Variants in RNGTT observed in about 807,000 individuals in gnomAD.
RNGTT encodes the protein mRNA-capping enzyme.
Under a neutral mutation model 79.3 loss-of-function variants are expected in RNGTT, and 33 were observed. The ratio of observed to expected loss-of-function variants is 0.42; its 90% CI spans 0.32 to 0.56. The LOEUF is 0.56. RNGTT is among the 20% of genes least tolerant of loss of function. The probability of loss-of-function intolerance (pLI) is 0.17; values close to 1 mark genes in which losing one functional copy is unlikely to be tolerated. For synonymous variants in RNGTT, 222 were observed against 235.9 expected (o/e 0.94, Z 0.54); for missense variants, 497 against 739.1 (o/e 0.67, Z 3.80).
intron 4 of RNGTT, among the ~76,000 whole-genome samples, chr6:88,916,066 A>C (rs1582126745): frequency 6.6e-6 from 1 of 152,218 alleles, no homozygotes; most frequent in African/African-American, 2.4e-5. Context: ...ATGAGATCCT[A>C]GTATACATTC....
At chr6:88,759,974 C>T (rs1403552105) in intron 13 of RNGTT, among the ~76,000 whole-genome samples, 5 of 151,944 alleles carry the variant, frequency 3.3e-5, no homozygotes. Context: ...AGAGAAATTG[C>T]AATTAATGAA....
intron 13 of RNGTT, among the ~76,000 whole-genome samples, chr6:88,756,876 C>T (rs373833364): frequency 3.3e-5 from 5 of 152,264 alleles, no homozygotes; most frequent in Admixed American, 2.6e-4. Flanking sequence ...AAGGAAAACG[C>T]TGGATGGACA....
chr6:88,624,916 AACAG>A (rs1327118079), intron 14 of RNGTT, among the ~76,000 whole-genome samples: 1 of 151,996 alleles, frequency 6.6e-6, no homozygotes, highest in Non-Finnish European at 1.5e-5. Flanking sequence ...AAAAGATTTG[AACAG>A]ACACTTTACC....
chr6:88,958,865 C>T (rs1785519472), intron 1 of RNGTT, among the ~76,000 whole-genome samples: 1 of 152,048 alleles, frequency 6.6e-6, no homozygotes, highest in Non-Finnish European at 1.5e-5. Flanking sequence ...GGTATCTACC[C>T]AGAAGAAAAT....
At chr6:88,869,159 G>A (rs1421927388) in intron 8 of RNGTT, among the ~76,000 whole-genome samples, 1 of 151,980 alleles carries the variant, frequency 6.6e-6, no homozygotes, top group Non-Finnish European at 1.5e-5. Flanking sequence ...TAACAAAACC[G>A]TATCTAAGTG....
intron 11 of RNGTT, among the ~76,000 whole-genome samples, chr6:88,810,213 C>G (rs1193087025): frequency 6.6e-6 from 1 of 152,050 alleles, no homozygotes; most frequent in African/African-American, 2.4e-5. Flanking sequence ...ATAGTGTACA[C>G]AATAAAAACA....
intron 14 of RNGTT, among the ~76,000 whole-genome samples, chr6:88,655,846 C>G (rs568543111): frequency 6.6e-6 from 1 of 152,214 alleles, no homozygotes; most frequent in South Asian, 2.1e-4. Context: ...AACCCTTTGG[C>G]TGATTAAATG....
intron 4 of RNGTT, among the ~76,000 whole-genome samples, chr6:88,920,129 T>C (rs564029116): frequency 6.6e-6 from 1 of 152,140 alleles, no homozygotes; most frequent in Non-Finnish European, 1.5e-5. Context: ...CTCTAAAAAA[T>C]TATTTAATAT....
chr6:88,625,995 A>G (rs1772617404), intron 14 of RNGTT, among the ~76,000 whole-genome samples: 2 of 151,996 alleles, frequency 1.3e-5, no homozygotes, highest in Admixed American at 1.3e-4. Flanking sequence ...AACTAGATGT[A>G]GAGTACTGTT....
Position 88,832,564 on chromosome 6 carries a change from A to G in RNGTT, c.1269+11793T>C, listed in dbSNP as rs551231230. ...CTAAAACACCAAAAGCAATGGAAAT[A>G]AAAGCCAAAATTGACAAGTGGGATC... On this transcript the variant is annotated intron_variant, in intron 11 of 15. Coordinates refer to ENST00000369485, the MANE Select transcript of RNGTT (RefSeq NM_003800.5). 1.2e-4 allele frequency among the ~76,000 whole-genome samples: 19 copies of G among 152,358 alleles called. 1 individual carries two copies. The highest frequency in any genetic ancestry group is 4.6e-4 in the African/African-American group (19 of 41,588).
chr6:88,629,007 G>A (rs1258563363), intron 14 of RNGTT, among the ~76,000 whole-genome samples: 1 of 151,720 alleles, frequency 6.6e-6, no homozygotes, highest in Non-Finnish European at 1.5e-5. Context: ...TAGGCTGCAT[G>A]TGAAGAAAAA....
At chr6:88,930,149 C>CATACATACATATATACATATACATATAT (rs1182105492) in intron 2 of RNGTT, among the ~76,000 whole-genome samples, 6 of 139,598 alleles carry the variant, frequency 4.3e-5, no homozygotes, top group East Asian at 2.0e-4. Flanking sequence ...TATACATATA[C>CATACATACATATATACATATACATATAT]GTACATACAT....
intron 13 of RNGTT, among the ~76,000 whole-genome samples, chr6:88,697,952 AT>A (rs1188002965): frequency 9.1e-6 from 1 of 110,376 alleles, no homozygotes; most frequent in Non-Finnish European, 1.6e-5. Flanking sequence ...ATACATATAT[AT>A]GATATATATA....
chr6:88,708,327 G>A (rs541443493), intron 13 of RNGTT, among the ~76,000 whole-genome samples: 2 of 151,996 alleles, frequency 1.3e-5, no homozygotes, highest in East Asian at 1.9e-4. Context: ...TTAGCTCCCC[G>A]GGGTTGCCTA....
intron 13 of RNGTT, among the ~76,000 whole-genome samples, chr6:88,761,698 C>A (rs978343521): frequency 2.0e-5 from 3 of 152,158 alleles, no homozygotes; most frequent in Non-Finnish European, 4.4e-5. Context: ...CTCACTCATA[C>A]ACATATTGTC....
At chr6:88,812,237 T>C (rs573873196) in intron 11 of RNGTT, among the ~76,000 whole-genome samples, 1 of 152,240 alleles carries the variant, frequency 6.6e-6, no homozygotes, top group Non-Finnish European at 1.5e-5. Context: ...TTAACCAATA[T>C]TATTGCAATT....
chr6:88,684,440 T>C lies in RNGTT; in HGVS notation c.1440-6021A>G, dbSNP rs553586009. Among the ~76,000 whole-genome samples the C allele has an allele frequency of 1.2e-3, 178 of 152,340 alleles. 1 individual carries two copies. Among genetic ancestry groups the C allele is most frequent in the African/African-American group, 4.2e-3 (174 of 41,574 alleles). ...TACAAAAAACCTGCACATGGGTGTT[T>C]ATAGCGGCTTTATTCATTATTGCCA... On this transcript the variant is annotated intron_variant, in intron 13 of 15. Transcript: ENST00000369485.
intron 13 of RNGTT, among the ~76,000 whole-genome samples, chr6:88,724,731 A>C (rs1379769211): frequency 6.6e-6 from 1 of 152,200 alleles, no homozygotes; most frequent in Non-Finnish European, 1.5e-5. Flanking sequence ...AGTATGTTCA[A>C]TTCCTCGTCT....
chr6:88,610,133 A>G lies in RNGTT; in HGVS notation c.*2586T>C, dbSNP rs543368232. The stretch of plus-strand genomic sequence containing the variant: ...CTCAGTTTCTCAGAAAGAAAAATAG[A>G]GGCTTTCCAAGTCTTTATGCTAATC... On this transcript the variant is annotated 3_prime_UTR_variant, in exon 16 of 16. Transcript: ENST00000369485. The G allele has an allele frequency of 6.6e-6, 1 of 152,580 alleles. No individual in the cohort carries two copies. Among genetic ancestry groups the G allele is most frequent in the South Asian group, 2.1e-4 (1 of 4,832 alleles). The allele number at this position is 152,580 out of a possible 1,614,324, so 9.5% of individuals were successfully genotyped here. A position where few individuals can be genotyped will look rare whatever the true frequency, so the allele number is the denominator to read the frequency against.
Sources: gnomAD v4.1 joint callset for allele counts (sites outside exome capture counted in the v4.1 genomes callset) on GRCh38, gnomAD v4.1.1 for gene constraint, MANE v1.5 for transcripts, NCBI Gene and HGNC (gene_info 2026-07-23, HGNC 2026-07-21) for gene names.